Variants in NPHP1 observed in about 807,000 individuals in gnomAD.
NPHP1 encodes nephrocystin 1.
Under a neutral mutation model 90.4 loss-of-function variants are expected in NPHP1, and 70 were observed. That is an observed-to-expected ratio of 0.77 (90% CI 0.64 to 0.95). NPHP1 has a LOEUF of 0.95. Ranked by LOEUF, NPHP1 falls within the 40% of genes least tolerant of loss-of-function variation. NPHP1 has a pLI of 0.00. For synonymous variants in NPHP1, 256 were observed against 271.7 expected, an observed-to-expected ratio of 0.94 and a Z score of 0.57; for missense variants, 764 against 795.9, an observed-to-expected ratio of 0.96 and a Z score of 0.48.
At position 110,143,603 on chromosome 2, in the gene NPHP1, T is replaced by A. The variant is rs1217563001; in HGVS notation, c.1468A>T (p.Arg490Trp). The change falls in exon 16 of 20, where the codon AGG (arginine) becomes TGG (tryptophan). Residue 490 changes from arginine (R) to tryptophan (W), a missense_variant. Arg to Trp is a moderately radical substitution (Grantham distance 101). Transcript: ENST00000445609. Reference sequence around the variant, plus strand: ...AGTTTCACTAGAAGTTGAGGCTGCCTTCTCATTGTCATAATCTGGTAGAAA... The same window carrying A: ...AGTTTCACTAGAAGTTGAGGCTGCCATCTCATTGTCATAATCTGGTAGAAA... ...SVFYQIMTMR[R>W]QPQLLVKLRS... 1 of 1,613,770 alleles carries A rather than the reference T, an allele frequency of 6.2e-7. No homozygotes were observed. The highest frequency in any genetic ancestry group is 1.7e-5 in the Admixed American group (1 of 60,024).
chr2:110,159,443 A>G (rs546841448), intron 11 of NPHP1, among the ~76,000 whole-genome samples: 15 of 152,024 alleles, frequency 9.9e-5, no homozygotes, highest in Non-Finnish European at 1.2e-4. Context: ...TTTTTTAATT[A>G]TAGGTTTAAT....
chr2:110,175,835 A>C (rs1400592487), intron 4 of NPHP1, among the ~76,000 whole-genome samples: 1 of 152,074 alleles, frequency 6.6e-6, no homozygotes, highest in Admixed American at 6.5e-5. Context: ...TTCAATTACA[A>C]ATCTGTTACA....
chr2:110,185,865 T>C (rs1424372078), intron 2 of NPHP1, among the ~76,000 whole-genome samples: 1 of 152,148 alleles, frequency 6.6e-6, no homozygotes, highest in Non-Finnish European at 1.5e-5. Context: ...GCAGAGATAA[T>C]GTTCCCAGCC....
At chr2:110,162,442 C>T (rs1682412332) in intron 9 of NPHP1, among the ~76,000 whole-genome samples, 1 of 152,032 alleles carries the variant, frequency 6.6e-6, no homozygotes, top group Non-Finnish European at 1.5e-5. Context: ...GAAGAACCTT[C>T]CCAGCAAAGG....
chr2:110,182,131 T>C (rs550020456), intron 2 of NPHP1, among the ~76,000 whole-genome samples: 31 of 152,144 alleles, frequency 2.0e-4, no homozygotes, highest in Middle Eastern at 3.4e-3. Context: ...AAATATGGGA[T>C]TATGTATACA....
At chr2:110,150,830 G>A (rs1315653784) in intron 11 of NPHP1, among the ~76,000 whole-genome samples, 5 of 151,580 alleles carry the variant, frequency 3.3e-5, no homozygotes, top group Non-Finnish European at 7.4e-5. Flanking sequence ...GATTACAGGT[G>A]TGAGCCATTG....
intron 19 of NPHP1, chr2:110,125,372 A>C (rs1478874283): frequency 1.3e-6 from 2 of 1,490,652 alleles, no homozygotes; most frequent in Non-Finnish European, 1.8e-6. Flanking sequence ...CAACTGAGAG[A>C]CTTTGGCTTA....
intron 19 of NPHP1, chr2:110,124,937 C>A: frequency 3.1e-6 from 1 of 320,680 alleles, no homozygotes; most frequent in Non-Finnish European, 5.6e-6. Context: ...ATAATGAATA[C>A]TTTAGATCAG....
At chr2:110,157,661 C>T (rs1225561050) in intron 11 of NPHP1, among the ~76,000 whole-genome samples, 1 of 152,120 alleles carries the variant, frequency 6.6e-6, no homozygotes, top group Non-Finnish European at 1.5e-5. Flanking sequence ...CCTCCATATC[C>T]AGTCCATCAC....
intron 6 of NPHP1, among the ~76,000 whole-genome samples, chr2:110,167,765 G>C (rs1682819420): frequency 6.6e-6 from 1 of 152,106 alleles, no homozygotes; most frequent in Admixed American, 6.5e-5. Flanking sequence ...CAATCTTGTG[G>C]GACTGAGCCT....
intron 17 of NPHP1, among the ~76,000 whole-genome samples, chr2:110,130,971 C>T (rs962292272): frequency 6.6e-6 from 1 of 152,152 alleles, no homozygotes; most frequent in Admixed American, 6.5e-5. Flanking sequence ...ATGCCTGTCT[C>T]ATTCATCACT....
intron 8 of NPHP1, chr2:110,163,475 T>C (rs1229603018): frequency 6.3e-6 from 2 of 317,056 alleles, no homozygotes; most frequent in African/African-American, 2.1e-5. Context: ...GCAAATCACA[T>C]GCACTGAAGA....
intron 5 of NPHP1, 113 bp downstream of exon 5, chr2:110,169,693 G>C: frequency 1.3e-6 from 1 of 745,312 alleles, no homozygotes; most frequent in East Asian, 2.6e-5. Context: ...TAAATAGATT[G>C]TTATAAAACT....
At chr2:110,173,647 T>G (rs1344240896) in intron 4 of NPHP1, among the ~76,000 whole-genome samples, 2 of 152,206 alleles carry the variant, frequency 1.3e-5, no homozygotes, top group African/African-American at 4.8e-5. Flanking sequence ...GTTTGTAGCC[T>G]AGGAGCAACA....
intron 12 of NPHP1, among the ~76,000 whole-genome samples, chr2:110,148,520 G>A (rs922629866): frequency 2.6e-5 from 4 of 152,118 alleles, no homozygotes; most frequent in Non-Finnish European, 5.9e-5. Context: ...AATAGTTTAT[G>A]CCTTTGCATT....
chr2:110,188,277 G>C (rs1684437431), intron 2 of NPHP1, among the ~76,000 whole-genome samples: 1 of 152,078 alleles, frequency 6.6e-6, no homozygotes, highest in South Asian at 2.1e-4. Flanking sequence ...CATTGTCTTG[G>C]CCCAGAAACT....
At chr2:110,137,486 C>A (rs1680285162) in intron 16 of NPHP1, among the ~76,000 whole-genome samples, 1 of 151,972 alleles carries the variant, frequency 6.6e-6, no homozygotes, top group South Asian at 2.1e-4. Flanking sequence ...AAGAAAAAAA[C>A]AAACAACCCC....
At position 110,176,308 on chromosome 2, in the gene NPHP1, A is replaced by T. The variant is rs553003273; in HGVS notation, c.329+2115T>A. Among the ~76,000 whole-genome samples the T allele has an allele frequency of 2.0e-5, 3 of 151,826 alleles. No homozygotes were observed. The South Asian group carries it at 6.2e-4, about 32-fold the overall frequency. On this transcript the variant is annotated intron_variant, in intron 4 of 19. Coordinates refer to ENST00000445609, the MANE Select transcript of NPHP1 (RefSeq NM_001128178.3). ...TTTTTAGTTATAGAATGTTCATTTGATTTTTCTATATTTGAATTAAATACA... is the reference window on the plus strand; with the variant it reads ...TTTTTAGTTATAGAATGTTCATTTGTTTTTTCTATATTTGAATTAAATACA...
rs367896134 is a variant in NPHP1, at chr2:110,147,790, C to A, written c.1269+126G>T. The A allele has an allele frequency of 2.0e-4, 134 of 665,640 alleles. No homozygotes were observed. The East Asian group carries it at 3.4e-3, about 17-fold the overall frequency. The allele number at this position is 665,640 out of a possible 1,614,324, so 41.2% of individuals were successfully genotyped here. On this transcript the variant is annotated intron_variant, in intron 13 of 19. Coordinates refer to ENST00000445609, the MANE Select transcript of NPHP1 (RefSeq NM_001128178.3). ...ATAAAATTAGAATCACTGGCATTCT[C>A]ATTCCTCAAGGGATTAAAATTCAAT...
Sources: gnomAD v4.1 joint callset for allele counts (sites outside exome capture counted in the v4.1 genomes callset) on GRCh38, gnomAD v4.1.1 for gene constraint, MANE v1.5 for transcripts, NCBI Gene and HGNC (gene_info 2026-07-23, HGNC 2026-07-21) for gene names.